The following ZIM2 variants were observed in gnomAD, a reference collection of about 807,000 sequenced individuals.
The protein encoded by ZIM2 is zinc finger imprinted 2.
ZIM2 carries 14 observed loss-of-function variants against 38.6 expected under a neutral mutation model. That is an observed-to-expected ratio of 0.36 (90% CI 0.24 to 0.57). ZIM2 has a LOEUF of 0.57. Ranked by LOEUF, ZIM2 falls within the 20% of genes least tolerant of loss-of-function variation. ZIM2 has a pLI of 0.81. For missense variants in ZIM2, 680 were observed against 695.1 expected (o/e 0.98, Z 0.24); for synonymous variants, 247 against 245.8 (o/e 1.00, Z -0.04).
In ZIM2 at chr19:56,821,767, A is replaced by C. The variant is rs1435079644; in HGVS notation, c.191-13T>G. ...CGCGGAGGCATCCCTGGGAAGAAAA[A>C]AGGCATCAACAAGAAGCAGGGCCCA... is the stretch of plus-strand genomic sequence containing the variant. On this transcript the variant is annotated splice_polypyrimidine_tract_variant and intron_variant, in intron 6 of 12. Coordinates refer to ENST00000629319, the MANE Select transcript of ZIM2 (RefSeq NM_001387356.1). 2.5e-6 allele frequency: 4 copies of C among 1,613,398 alleles called. No homozygotes were observed. Among genetic ancestry groups the C allele is most frequent in the Non-Finnish European group, 3.4e-6 (4 of 1,179,994 alleles).
intron 9 of ZIM2, chr19:56,812,827 A>G: frequency 4.1e-6 from 4 of 985,306 alleles, no homozygotes; most frequent in Non-Finnish European, 3.6e-6. Flanking sequence ...TTAAAAAAAA[A>G]AAAAACCCAG....
chr19:56,829,343 CA>C (rs35948458), intron 2 of ZIM2, among the ~76,000 whole-genome samples: 2,229 of 86,596 alleles, frequency 0.026, 42 homozygotes, highest in African/African-American at 0.068. Context: ...GACTCCATCT[CA>C]AAAAAAAAAA....
chr19:56,816,348 T>C, intron 9 of ZIM2: 1 of 1,614,196 alleles, frequency 6.2e-7, no homozygotes, highest in Non-Finnish European at 8.5e-7. Flanking sequence ...CACTGAGCTC[T>C]GAGCTTTGCA....
intron 10 of ZIM2, among the ~76,000 whole-genome samples, chr19:56,785,998 G>A (rs2046578943): frequency 2.0e-5 from 3 of 151,976 alleles, no homozygotes; most frequent in Admixed American, 1.3e-4. Flanking sequence ...CGCCCCAAAA[G>A]AAACCCTGCA....
At position 56,814,883 on chromosome 19, in the gene ZIM2, G is replaced by T; in HGVS notation, c.490+2863C>A. ...CCCTTCATGGAATACAACTGGTCTTGTTCATGGATTCTCTGATGCTCGAAA... is the reference window on the plus strand; with the variant it reads ...CCCTTCATGGAATACAACTGGTCTTTTTCATGGATTCTCTGATGCTCGAAA... On this transcript the variant is annotated intron_variant, in intron 9 of 12. Coordinates refer to ENST00000629319, the MANE Select transcript of ZIM2 (RefSeq NM_001387356.1). This position sits in a 1 kb window ranked among gnomAD's most constrained non-coding sequence, Gnocchi z 5.8. The T allele has an allele frequency of 6.2e-7, 1 of 1,614,160 alleles. No homozygotes were observed. Among genetic ancestry groups the T allele is most frequent in the Non-Finnish European group, 8.5e-7 (1 of 1,180,026 alleles).
chr19:56,781,952 C>T lies in ZIM2; in HGVS notation c.739+1G>A. On this transcript the variant is annotated splice_donor_variant, in intron 11 of 12. Coordinates refer to ENST00000629319, the MANE Select transcript of ZIM2 (RefSeq NM_001387356.1). LOFTEE classifies it high-confidence loss of function. ...AAGTCCTGTGGAGAAGGCATACTTACCCAGGGAGACCAGGTTCCGGTAATT... is the reference window on the plus strand; with the variant it reads ...AAGTCCTGTGGAGAAGGCATACTTATCCAGGGAGACCAGGTTCCGGTAATT... 6.2e-7 allele frequency: 1 copy of T among 1,613,262 alleles called. No homozygotes were observed. Among genetic ancestry groups the T allele is most frequent in the Non-Finnish European group, 8.5e-7 (1 of 1,179,448 alleles).
intron 9 of ZIM2, chr19:56,815,892 A>G (rs1352822533): frequency 6.2e-7 from 1 of 1,613,122 alleles, no homozygotes; most frequent in Non-Finnish European, 8.5e-7. Context: ...CCACCAATTC[A>G]TTTCCATTGT....
At chr19:56,802,406 T>C (rs1211747778) in intron 9 of ZIM2, among the ~76,000 whole-genome samples, 1 of 152,176 alleles carries the variant, frequency 6.6e-6, no homozygotes, top group Non-Finnish European at 1.5e-5. Flanking sequence ...CTAAAAGGGA[T>C]GGCCCCAATG....
intron 2 of ZIM2, among the ~76,000 whole-genome samples, chr19:56,834,915 G>C (rs2061936892): frequency 2.0e-5 from 3 of 152,160 alleles, no homozygotes; most frequent in Admixed American, 1.3e-4. Flanking sequence ...ATCCTGTCCT[G>C]GATCAGGCCC....
chr19:56,815,807 C>T lies in ZIM2; in HGVS notation c.490+1939G>A, dbSNP rs780426924. On this transcript the variant is annotated intron_variant, in intron 9 of 12. Transcript: ENST00000629319. ...TTACTGCCCCCTTCACAAGGGTTCT[C>T]TCTGGCAGGAATCTTCTGTCGCTTA... 8 of 1,613,462 alleles carry T rather than the reference C, an allele frequency of 5.0e-6. No individual in the cohort carries two copies. In the African/African-American group the frequency reaches 1.1e-4, roughly 22 times the overall value.
chr19:56,801,498 C>A (rs2047524253), intron 9 of ZIM2, among the ~76,000 whole-genome samples: 1 of 152,180 alleles, frequency 6.6e-6, no homozygotes, highest in African/African-American at 2.4e-5. Flanking sequence ...TTTCCCTTCA[C>A]AACTTCAGAG....
chr19:56,796,248 C>CT (rs1469816052), intron 9 of ZIM2, among the ~76,000 whole-genome samples: 1 of 152,176 alleles, frequency 6.6e-6, no homozygotes, highest in Non-Finnish European at 1.5e-5. Context: ...TATGCACATG[C>CT]TTAGGCATAC....
chr19:56,830,762 A>G (rs2061497699), intron 2 of ZIM2, among the ~76,000 whole-genome samples: 1 of 150,526 alleles, frequency 6.6e-6, no homozygotes, highest in Non-Finnish European at 1.5e-5. Context: ...AAAATTTCAA[A>G]AATTTACAGA....
intron 9 of ZIM2, among the ~76,000 whole-genome samples, chr19:56,802,738 C>T (rs1319303592): frequency 2.0e-5 from 3 of 152,216 alleles, no homozygotes; most frequent in Non-Finnish European, 4.4e-5. Context: ...CTGACATTTA[C>T]TGTGTTGACC....
At chr19:56,800,142 T>C (rs759016119) in intron 9 of ZIM2, among the ~76,000 whole-genome samples, 91 of 152,280 alleles carry the variant, frequency 6.0e-4, no homozygotes, top group Non-Finnish European at 8.7e-4. Context: ...CCAAAACTCA[T>C]TGAATAATAT....
intron 1 of ZIM2, among the ~76,000 whole-genome samples, chr19:56,837,260 C>T (rs1481734954): frequency 6.6e-6 from 1 of 151,894 alleles, no homozygotes; most frequent in Non-Finnish European, 1.5e-5. Flanking sequence ...CCTTTAAACA[C>T]ACCCCCACCT....
intron 10 of ZIM2, among the ~76,000 whole-genome samples, chr19:56,782,688 T>C (rs12609366): frequency 0.18 from 26,628 of 151,884 alleles, 2,571 homozygotes; most frequent in East Asian, 0.38. Context: ...AATTAGAAAA[T>C]CACTTTTGAT....
intron 8 of ZIM2, among the ~76,000 whole-genome samples, chr19:56,818,143 T>C (rs2060149058): frequency 1.3e-5 from 2 of 152,208 alleles, no homozygotes; most frequent in East Asian, 3.9e-4. Context: ...TCTTTTCCAC[T>C]GGCCTTCTTC....
At chr19:56,810,645 A>G in intron 9 of ZIM2, 4 of 956,102 alleles carry the variant, frequency 4.2e-6, no homozygotes, top group Non-Finnish European at 5.0e-6. Context: ...AATTTGAGAC[A>G]AAATATTTAA....
Sources: allele counts gnomAD v4.1 joint callset (sites outside exome capture counted in the v4.1 genomes callset), GRCh38; gene constraint gnomAD v4.1.1; non-coding constraint Gnocchi (gnomAD v3.1); transcripts MANE v1.5; gene names NCBI Gene and HGNC (gene_info 2026-07-23, HGNC 2026-07-21).